Variants in HEATR4 observed in about 807,000 individuals in gnomAD.
The protein encoded by HEATR4 is HEAT repeat containing 4, also known as HEAT repeat-containing protein 4.
A neutral mutation model predicts 108.8 loss-of-function variants in HEATR4; 95 were observed. That is an observed-to-expected ratio of 0.87 (90% CI 0.74 to 1.04). The LOEUF is 1.04. Among genes scored for constraint, HEATR4 ranks in the 50% least tolerant of loss-of-function variants. HEATR4 has a pLI of 0.00. For missense variants in HEATR4, 1,152 were observed against 1,253.8 expected, an observed-to-expected ratio of 0.92 and a Z score of 1.23; for synonymous variants, 443 against 459.4, an observed-to-expected ratio of 0.96 and a Z score of 0.46.
chr14:73,493,265 T>A (rs772020820), intron 16 of HEATR4, 141 bp from the exon 17 acceptor site: 1 of 660,634 alleles, frequency 1.5e-6, no homozygotes, highest in Non-Finnish European at 2.6e-6. Context: ...GAGACAGATA[T>A]TAGATTTTTT....
the HEATR4 span, among the ~76,000 whole-genome samples, chr14:73,583,229 C>G: frequency 6.6e-6 from 1 of 151,736 alleles, no homozygotes; most frequent in African/African-American, 2.4e-5. Flanking sequence ...GTAGTCCCAC[C>G]TACTTGGAGG....
At chr14:73,588,201 T>C in the HEATR4 span, among the ~76,000 whole-genome samples, 1 of 152,136 alleles carries the variant, frequency 6.6e-6, no homozygotes, top group Non-Finnish European at 1.5e-5. Flanking sequence ...GGTTTCACCA[T>C]CTTGGCCAGG....
chr14:73,490,686 C>G (rs1885649234), intron 17 of HEATR4, among the ~76,000 whole-genome samples: 1 of 152,196 alleles, frequency 6.6e-6, no homozygotes, highest in African/African-American at 2.4e-5. Context: ...AACTCCTGAC[C>G]TCAGGTGATC....
In HEATR4 at chr14:73,498,197, A is replaced by G; in HGVS notation, c.2504T>C (p.Phe835Ser). The change falls in exon 14 of 18, where the codon TTC becomes TCC. Residue 835 changes from phenylalanine to serine, a missense_variant. Physicochemically the swap from Phe to Ser is radical, Grantham distance 155. Coordinates refer to ENST00000553558, the MANE Select transcript of HEATR4 (RefSeq NM_001220484.1). ...GTTCTCCAGGAGCAGCACGTCTAGG[A>G]AGGTGTCCCTGACCCGGTCCCCTTG... is the stretch of plus-strand genomic sequence containing the variant. ...KLQGDRVRDT[F>S]LDVLLLENHD... 1 of 1,613,856 alleles carries G rather than the reference A, an allele frequency of 6.2e-7. No individual in the cohort carries two copies.
At chr14:73,496,773 C>T (rs1237990096) in intron 14 of HEATR4, 94 bp from the exon 15 acceptor site, 1 of 725,366 alleles carries the variant, frequency 1.4e-6, no homozygotes, top group East Asian at 2.5e-5. Flanking sequence ...AGGTAAGAAT[C>T]CCAAGTTCCA....
intron 2 of HEATR4, among the ~76,000 whole-genome samples, chr14:73,529,803 A>G (rs1396325160): frequency 2.0e-5 from 3 of 151,828 alleles, no homozygotes; most frequent in African/African-American, 2.4e-5. Flanking sequence ...CCTTGAAAGA[A>G]AAGACTAAAA....
intron 16 of HEATR4, 90 bp from the exon 17 acceptor site, chr14:73,493,214 G>C: frequency 2.8e-6 from 3 of 1,053,670 alleles, no homozygotes; most frequent in East Asian, 4.7e-5. Flanking sequence ...TCACCTTCAG[G>C]CTTCAGTGTA....
the HEATR4 span, among the ~76,000 whole-genome samples, chr14:73,623,317 T>C: frequency 1.3e-5 from 2 of 152,184 alleles, no homozygotes; most frequent in South Asian, 2.1e-4. Flanking sequence ...AAGATAGTCA[T>C]ACTAAGAAAC....
chr14:73,496,229 T>A (rs999587890), intron 15 of HEATR4, among the ~76,000 whole-genome samples: 3 of 151,818 alleles, frequency 2.0e-5, no homozygotes, highest in African/African-American at 7.3e-5. Context: ...AAGAAGAAAA[T>A]CTAGGGGGCC....
At chr14:73,618,118 G>C in the HEATR4 span, among the ~76,000 whole-genome samples, 5 of 151,916 alleles carry the variant, frequency 3.3e-5, no homozygotes, top group East Asian at 9.6e-4. Flanking sequence ...ACTCTAGACT[G>C]GGCAACAAGA....
chr14:73,575,541 T>G, the HEATR4 span: 1 of 1,518,958 alleles, frequency 6.6e-7, no homozygotes, highest in Non-Finnish European at 8.8e-7. Flanking sequence ...GGCCTCTCTG[T>G]TGCTAATCTC....
the HEATR4 span, among the ~76,000 whole-genome samples, chr14:73,629,066 A>AAG: frequency 1.3e-5 from 2 of 151,814 alleles, no homozygotes; most frequent in Admixed American, 1.3e-4. Context: ...CAAAAAAAAA[A>AAG]AAAGAAAGAA....
At chr14:73,578,977 C>T in the HEATR4 span, among the ~76,000 whole-genome samples, 2 of 150,770 alleles carry the variant, frequency 1.3e-5, no homozygotes, top group South Asian at 2.1e-4. Context: ...CCCAGCTACT[C>T]GGGAGGCTGA....
At position 73,492,925 on chromosome 14, in the gene HEATR4, G is replaced by A. The variant is rs771304403; in HGVS notation, c.2844+141C>T. On this transcript the variant is annotated intron_variant, in intron 17 of 17. Transcript: ENST00000553558. This position sits in a 1 kb window ranked among gnomAD's most constrained non-coding sequence, Gnocchi z 4.9. ...ATAAGGGGCTGCTGCTCACTAAGAT[G>A]CCTCTAGCCCTAAATTAGTTTCTTG... The A allele has an allele frequency of 5.6e-6, 9 of 1,613,292 alleles. No individual in the cohort carries two copies. The South Asian group carries it at 9.9e-5, about 18-fold the overall frequency.
intron 12 of HEATR4, among the ~76,000 whole-genome samples, chr14:73,499,843 C>G (rs1886330919): frequency 6.6e-6 from 1 of 152,182 alleles, no homozygotes; most frequent in Non-Finnish European, 1.5e-5. Flanking sequence ...GAATCGAAGT[C>G]TGGGCTGGCT....
At chr14:73,491,005 G>C (rs764559814) in intron 17 of HEATR4, 3 of 1,411,140 alleles carry the variant, frequency 2.1e-6, no homozygotes, top group Admixed American at 2.8e-5. Context: ...GGGAAGACTG[G>C]TGTGGTCTGG....
At chr14:73,565,668 T>C in the HEATR4 span, among the ~76,000 whole-genome samples, 1 of 151,800 alleles carries the variant, frequency 6.6e-6, no homozygotes, top group African/African-American at 2.4e-5. Flanking sequence ...TCGTGGTGAG[T>C]GTTACAGCTC....
At chr14:73,507,015 C>G (rs1886901484) in intron 9 of HEATR4, among the ~76,000 whole-genome samples, 1 of 151,762 alleles carries the variant, frequency 6.6e-6, no homozygotes, top group African/African-American at 2.4e-5. Flanking sequence ...TGGTGCCAGG[C>G]TGGTCTTGAA....
rs1566832370 is a variant in HEATR4 at position 73,509,868 on chromosome 14, ATTTATT to A, written c.1559-401_1559-396del. Among the ~76,000 whole-genome samples the A allele has an allele frequency of 8.8e-4, 63 of 71,392 alleles. 2 individuals carry two copies. The highest frequency in any genetic ancestry group is 1.4e-3 in the Non-Finnish European group (50 of 34,668). The allele number at this position is 71,392 out of a possible 152,430, so 46.8% of individuals were successfully genotyped here. On this transcript the variant is annotated intron_variant, in intron 7 of 17. Transcript: ENST00000553558. ...TATATATATATATATATATATATATATTTATTTATTTTATATATTTTTTGAGACGGA... is the reference window on the plus strand; with the variant it reads ...TATATATATATATATATATATATATATATTTTATATATTTTTTGAGACGGA...
Sources: gnomAD v4.1 joint callset for allele counts (sites outside exome capture counted in the v4.1 genomes callset) on GRCh38, gnomAD v4.1.1 for gene constraint, Gnocchi (gnomAD v3.1) non-coding constraint, MANE v1.5 for transcripts, NCBI Gene and HGNC (gene_info 2026-07-23, HGNC 2026-07-21) for gene names.